Variants in ZFR observed in about 807,000 individuals in gnomAD.
ZFR encodes the protein zinc finger RNA-binding protein.
In ZFR, 19 loss-of-function variants were observed where a neutral mutation model predicts 130.7. That is an observed-to-expected ratio of 0.15 (90% CI 0.10 to 0.21). The LOEUF (loss-of-function observed/expected upper bound fraction) is 0.21, where lower values mean the gene tolerates loss of function less well. Ranked by LOEUF, ZFR falls within the 10% of genes least tolerant of loss-of-function variation. The pLI is 1.00. For missense variants in ZFR, 872 were observed against 1,321.5 expected (o/e 0.66, Z 5.27); for synonymous variants, 466 against 456.9 (o/e 1.02, Z -0.25).
chr5:32,379,685 G>A (rs976641276), intron 16 of ZFR: 5 of 185,232 alleles, frequency 2.7e-5, no homozygotes, highest in African/African-American at 1.2e-4. Flanking sequence ...GAAAGAGGGG[G>A]AAAAAAATCT....
Position 32,417,764 on chromosome 5 carries a change from G to C in ZFR, c.449C>G (p.Ala150Gly). 6.2e-7 allele frequency: 1 copy of C among 1,613,926 alleles called. No individual in the cohort carries two copies. Among genetic ancestry groups the C allele is most frequent in the Non-Finnish European group, 8.5e-7 (1 of 1,179,870 alleles). ...QDSYSYVRST[A>G]PAVAYDSKQY... ...CTTACTATCATAAGCTACAGCAGGAGCTGTGGACCTTACATATGAGTATGA... is the reference window on the plus strand; with the variant it reads ...CTTACTATCATAAGCTACAGCAGGACCTGTGGACCTTACATATGAGTATGA... Residue 150 changes from alanine (A) to glycine (G), a missense_variant, in exon 4 of 20, where the codon GCT becomes GGT. Physicochemically the swap from Ala to Gly is moderately conservative, Grantham distance 60. Around this residue, in one of 7 missense-constraint regions of ZFR, gnomAD observed 240 missense variants for 441.2 expected, o/e 0.54. Transcript: ENST00000265069.
intron 11 of ZFR, among the ~76,000 whole-genome samples, chr5:32,394,159 T>C (rs1402537278): frequency 6.6e-6 from 1 of 152,228 alleles, no homozygotes; most frequent in East Asian, 1.9e-4. Context: ...TACAAAAATA[T>C]TCACAGCAGC....
intron 2 of ZFR, among the ~76,000 whole-genome samples, chr5:32,436,679 C>T (rs1010029807): frequency 3.3e-5 from 5 of 152,264 alleles, no homozygotes; most frequent in East Asian, 1.9e-4. Flanking sequence ...TCTCACTTTG[C>T]TGTTCACGCT....
chr5:32,426,994 C>T (rs1754089085), intron 2 of ZFR, among the ~76,000 whole-genome samples: 1 of 150,982 alleles, frequency 6.6e-6, no homozygotes, highest in Non-Finnish European at 1.5e-5. Context: ...CTAAACACTC[C>T]ACAAAAAACT....
intron 5 of ZFR, among the ~76,000 whole-genome samples, chr5:32,410,369 G>A (rs991438510): frequency 9.3e-5 from 14 of 151,250 alleles, no homozygotes; most frequent in African/African-American, 3.4e-4. Flanking sequence ...AACACTTTGA[G>A]AGGCGGAGGT....
chr5:32,410,084 C>T (rs1192832229), intron 5 of ZFR, among the ~76,000 whole-genome samples: 3 of 152,158 alleles, frequency 2.0e-5, no homozygotes, highest in Non-Finnish European at 4.4e-5. Context: ...GCTCGTGGAA[C>T]ACTTGAGCTC....
In ZFR at chr5:32,436,289, C is replaced by T. The variant is rs549386389; in HGVS notation, c.137+7940G>A. 2.1e-4 allele frequency among the ~76,000 whole-genome samples: 32 copies of T among 151,736 alleles called. No homozygotes were observed. In the South Asian group the frequency reaches 6.0e-3, roughly 29 times the overall value. On this transcript the variant is annotated intron_variant, in intron 2 of 19. Coordinates refer to ENST00000265069, the MANE Select transcript of ZFR (RefSeq NM_016107.5). ...TCGGCCTCCCGAGTAGCTGGGACTA[C>T]AGGCGCCCACCACCACGCCCGGCTG...
chr5:32,407,552 C>A (rs971757445), intron 5 of ZFR, among the ~76,000 whole-genome samples: 9 of 151,892 alleles, frequency 5.9e-5, no homozygotes, highest in African/African-American at 2.2e-4. Flanking sequence ...AACTGATGGG[C>A]TGTGCAACTG....
chr5:32,363,770 A>G (rs1459124764), intron 19 of ZFR, among the ~76,000 whole-genome samples, 178 bp downstream of exon 19: 2 of 152,200 alleles, frequency 1.3e-5, no homozygotes, highest in East Asian at 1.9e-4. Flanking sequence ...TTTAAACTCT[A>G]TTAGTGAAAT....
rs768566172 is a variant in ZFR at position 32,400,208 on chromosome 5, A to C, written c.1517-5T>G. The C allele has an allele frequency of 6.4e-7, 1 of 1,554,970 alleles. No homozygotes were observed. Among genetic ancestry groups the C allele is most frequent in the South Asian group, 1.2e-5 (1 of 81,134 alleles). ...TTGACTGCAGCTTATTACCACCTAG[A>C]AAAGTATCAAAAAGTTAAAAAAAAT... On this transcript the variant is annotated splice_region_variant and splice_polypyrimidine_tract_variant and intron_variant, in intron 8 of 19. Coordinates refer to ENST00000265069, the MANE Select transcript of ZFR (RefSeq NM_016107.5).
chr5:32,420,695 G>A (rs949483509), intron 2 of ZFR, among the ~76,000 whole-genome samples: 20 of 152,338 alleles, frequency 1.3e-4, no homozygotes, highest in Admixed American at 2.6e-4. Flanking sequence ...AAACTGCAGA[G>A]GAGGTGGTGA....
chr5:32,421,581 A>C (rs911319335), intron 2 of ZFR, among the ~76,000 whole-genome samples: 2 of 151,726 alleles, frequency 1.3e-5, no homozygotes, highest in Non-Finnish European at 2.9e-5. Flanking sequence ...ACACCTGGAG[A>C]AATTCAGTCT....
At chr5:32,434,906 C>T (rs1179878056) in intron 2 of ZFR, among the ~76,000 whole-genome samples, 1 of 152,026 alleles carries the variant, frequency 6.6e-6, no homozygotes, top group African/African-American at 2.4e-5. Context: ...AAATGAAGTA[C>T]TCTGTAACTT....
Position 32,380,187 on chromosome 5 carries a change from A to G in ZFR, c.2642-15T>C. On this transcript the variant is annotated splice_polypyrimidine_tract_variant and intron_variant, in intron 15 of 19. Coordinates refer to ENST00000265069, the MANE Select transcript of ZFR (RefSeq NM_016107.5). ...CGAGGTTACATCTAAAATGGATTGAATTGGCAAAATGCAGTGAGGAATGGG... is the reference window on the plus strand; with the variant it reads ...CGAGGTTACATCTAAAATGGATTGAGTTGGCAAAATGCAGTGAGGAATGGG... The G allele has an allele frequency of 6.2e-7, 1 of 1,607,190 alleles. No homozygotes were observed. Among genetic ancestry groups the G allele is most frequent in the Non-Finnish European group, 8.5e-7 (1 of 1,173,902 alleles).
At chr5:32,389,821 T>C (rs1753122878) in intron 12 of ZFR, among the ~76,000 whole-genome samples, 1 of 152,190 alleles carries the variant, frequency 6.6e-6, no homozygotes, top group Non-Finnish European at 1.5e-5. Flanking sequence ...ATTCCCTTCC[T>C]ATAAAAAATG....
chr5:32,405,524 G>A (rs1178451112), intron 6 of ZFR, among the ~76,000 whole-genome samples: 1 of 152,076 alleles, frequency 6.6e-6, no homozygotes, highest in Non-Finnish European at 1.5e-5. Context: ...TCCACATGCT[G>A]CTGTTAATCT....
At chr5:32,371,049 G>A (rs1752659740) in intron 17 of ZFR, among the ~76,000 whole-genome samples, 1 of 152,178 alleles carries the variant, frequency 6.6e-6, no homozygotes, top group Non-Finnish European at 1.5e-5. Flanking sequence ...AGAAACTGAA[G>A]ATCTCTTGCC....
intron 2 of ZFR, among the ~76,000 whole-genome samples, chr5:32,437,368 C>T (rs1754362249): frequency 1.3e-5 from 2 of 152,002 alleles, no homozygotes; most frequent in Admixed American, 1.3e-4. Flanking sequence ...CCTACAAATG[C>T]ACTTTAATAT....
Position 32,400,147 on chromosome 5 carries a change from A to T in ZFR, c.1573T>A (p.Cys525Ser), listed in dbSNP as rs760041151. Residue 525 changes from cysteine to serine, a missense_variant, in exon 9 of 20, where the codon TGT (cysteine) becomes AGT (serine). Cys to Ser is a moderately radical substitution (Grantham distance 112). This residue lies in a region of ZFR where 143 missense variants were observed against 137.9 expected (regional missense o/e 1.04). Coordinates refer to ENST00000265069, the MANE Select transcript of ZFR (RefSeq NM_016107.5). Reference sequence around the variant, plus strand: ...GAAGTGACAGGAGTACTTTTAACACATTCGGTTCCTTTTATGTCTTCTGCT... The same window carrying T: ...GAAGTGACAGGAGTACTTTTAACACTTTCGGTTCCTTTTATGTCTTCTGCT... ...NKAEDIKGTE[C>S]VKSTPVTSAV... 39 of 1,612,318 alleles carry T rather than the reference A, an allele frequency of 2.4e-5. No homozygotes were observed. Among genetic ancestry groups the T allele is most frequent in the Middle Eastern group, 3.3e-4 (2 of 6,078 alleles).
Sources: gnomAD v4.1 joint callset for allele counts (sites outside exome capture counted in the v4.1 genomes callset) on GRCh38, gnomAD v4.1.1 for gene constraint, gnomAD v4.1.1 regional missense constraint, MANE v1.5 for transcripts, NCBI Gene and HGNC (gene_info 2026-07-23, HGNC 2026-07-21) for gene names.